ACAD11: variants seen among roughly 807,000 people sequenced by gnomAD.
ACAD11 encodes the protein acyl-CoA dehydrogenase family member 11, also known as acyl-Coenzyme A dehydrogenase family, member 11.
ACAD11 carries 83 observed loss-of-function variants against 102.2 expected under a neutral mutation model. The ratio of observed to expected loss-of-function variants is 0.81; its 90% confidence interval spans 0.68 to 0.97. ACAD11 has a LOEUF of 0.97. Among genes scored for constraint, ACAD11 ranks in the 50% least tolerant of loss-of-function variants. The pLI is 0.00. For synonymous variants in ACAD11, 324 were observed against 319.8 expected, an observed-to-expected ratio of 1.01 and a Z score of -0.14; for missense variants, 901 against 951.7, an observed-to-expected ratio of 0.95 and a Z score of 0.70.
intron 11 of ACAD11, among the ~76,000 whole-genome samples, chr3:132,610,709 T>A (rs1939095954): frequency 6.6e-6 from 1 of 152,026 alleles, no homozygotes; most frequent in African/African-American, 2.4e-5. Flanking sequence ...AATAACAGGC[T>A]CTGAAATTGA....
At chr3:132,584,900 A>G (rs962858864) in intron 13 of ACAD11, among the ~76,000 whole-genome samples, 2 of 152,218 alleles carry the variant, frequency 1.3e-5, no homozygotes, top group Non-Finnish European at 2.9e-5. Flanking sequence ...AATCAATATT[A>G]TGAAAATGGC....
rs567165518 is a variant in ACAD11 at position 132,577,051 on chromosome 3, G to A, written c.1775-36C>T. 881 of 1,302,652 alleles carry A rather than the reference G, an allele frequency of 6.8e-4. 27 individuals carry two copies. In the South Asian group the frequency reaches 0.01, roughly 15 times the overall value. 80.7% of individuals were successfully genotyped at this position (1,302,652 alleles called of 1,614,324 possible). On this transcript the variant is annotated intron_variant, in intron 15 of 19. Transcript: ENST00000264990. ...GAAAATAAAATTTAGAGCAAAAGGA[G>A]TTGACTAAAAAAGAGTCACATATTC...
At position 132,589,717 on chromosome 3, in the gene ACAD11, A is replaced by T. The variant is rs1937994676; in HGVS notation, c.1622-10159T>A. On this transcript the variant is annotated intron_variant, in intron 13 of 19. Transcript: ENST00000264990. The stretch of plus-strand genomic sequence containing the variant: ...TAGAAATATTTTCTTTAAAAAAAGC[A>T]AACTTTTATTTTAGGTTTGGGGGGT... 3.3e-5 allele frequency among the ~76,000 whole-genome samples: 5 copies of T among 152,160 alleles called. No individual in the cohort carries two copies. In the South Asian group the frequency reaches 1.0e-3, roughly 32 times the overall value.
At chr3:132,625,066 G>T (rs1224085012) in intron 9 of ACAD11, among the ~76,000 whole-genome samples, 2 of 152,146 alleles carry the variant, frequency 1.3e-5, no homozygotes, top group African/African-American at 2.4e-5. Context: ...GAGACCAACC[G>T]AAGCAGTCGT....
chr3:132,650,619 T>C (rs2107899430), intron 1 of ACAD11, among the ~76,000 whole-genome samples: 1 of 152,234 alleles, frequency 6.6e-6, no homozygotes, highest in South Asian at 2.1e-4. Flanking sequence ...AGGTAGAAAG[T>C]ACAATTCATG....
Position 132,642,748 on chromosome 3 carries a change from GA to G in ACAD11, c.303del (p.Lys103SerfsTer18), listed in dbSNP as rs777134154. On this transcript the variant is annotated frameshift_variant, in exon 3 of 20. Transcript: ENST00000264990. LOFTEE classifies it high-confidence loss of function. ...TCACTGCAGTACAGTATAGGCTTGG[GA>G]ACGGGGAATCCAATTGAAAACAAGG... Reference protein sequence around the residue: ...QKALFSIGFPVPKPILYCSDT... With the variant: ...QKALFSIGFPXPKPILYCSDT... 13 of 1,613,390 alleles carry G rather than the reference GA, an allele frequency of 8.1e-6. No individual in the cohort carries two copies. The South Asian group carries it at 1.4e-4, about 18-fold the overall frequency.
chr3:132,561,936 G>A (rs1371913280), intron 17 of ACAD11, among the ~76,000 whole-genome samples: 1 of 152,082 alleles, frequency 6.6e-6, no homozygotes, highest in Admixed American at 6.5e-5. Flanking sequence ...GTATTGTTTT[G>A]AGACCAACTT....
rs545805873 is a variant in ACAD11, at chr3:132,562,984, T to C, written c.2002-1767A>G. Among the ~76,000 whole-genome samples the C allele has an allele frequency of 3.9e-5, 6 of 152,340 alleles. 1 individual carries two copies. In the South Asian group the frequency reaches 8.3e-4, roughly 21 times the overall value. ...TTTACATTTAGATCTATGATCCATT[T>C]AGAGTTAAAATTTTGTGTGAGGTGT... is the stretch of plus-strand genomic sequence containing the variant. On this transcript the variant is annotated intron_variant, in intron 17 of 19. Transcript: ENST00000264990.
intron 17 of ACAD11, among the ~76,000 whole-genome samples, chr3:132,575,058 G>A (rs1937498945): frequency 1.3e-5 from 2 of 151,980 alleles, no homozygotes. Context: ...TGTTGCCCAG[G>A]CTGGTCTTGA....
chr3:132,618,849 T>C (rs1576595456), intron 10 of ACAD11, 77 bp from the exon 11 acceptor site: 2 of 1,326,428 alleles, frequency 1.5e-6, no homozygotes, highest in East Asian at 5.5e-5. Flanking sequence ...TTTTAAATAT[T>C]GGTATTTATG....
rs1460367668 is a variant in ACAD11, at chr3:132,631,393, A to G, written c.789T>C (p.Phe263=). The G allele has an allele frequency of 6.4e-7, 1 of 1,565,706 alleles. No individual in the cohort carries two copies. The highest frequency in any genetic ancestry group is 1.8e-5 in the Admixed American group (1 of 55,812). ...SDLAHFSLFY[F]WPRTVPMINQ... ...TTATCATTGGAACTGTCCTTGGCCA[A>G]AAGTAGAACAGGGAAAAATGAGCTA... The change falls in exon 6 of 20, where the codon TTT becomes TTC. Residue 263 remains phenylalanine, a synonymous_variant. Transcript: ENST00000264990.
chr3:132,589,035 T>C lies in ACAD11; in HGVS notation c.1622-9477A>G, dbSNP rs140688143. 1.5e-4 allele frequency among the ~76,000 whole-genome samples: 23 copies of C among 152,282 alleles called. No individual in the cohort carries two copies. The East Asian group carries it at 4.4e-3, about 29-fold the overall frequency. On this transcript the variant is annotated intron_variant, in intron 13 of 19. Transcript: ENST00000264990. Reference sequence around the variant, plus strand: ...GATTAAGTGATTAAAATGCAATTAGTGTATTTATCAAAGAGGCCTGAGAGA... The same window carrying C: ...GATTAAGTGATTAAAATGCAATTAGCGTATTTATCAAAGAGGCCTGAGAGA...
intron 13 of ACAD11, among the ~76,000 whole-genome samples, chr3:132,586,470 A>T (rs1405725298): frequency 6.6e-6 from 1 of 152,148 alleles, no homozygotes; most frequent in Non-Finnish European, 1.5e-5. Context: ...GTGCACATGT[A>T]CCCTAAAACT....
At chr3:132,643,939 T>C (rs1940619924) in intron 2 of ACAD11, among the ~76,000 whole-genome samples, 1 of 151,978 alleles carries the variant, frequency 6.6e-6, no homozygotes, top group Non-Finnish European at 1.5e-5. Flanking sequence ...AAGAGACAAA[T>C]AAAACTGTTT....
intron 16 of ACAD11, 25 bp from the exon 17 acceptor site, chr3:132,575,951 G>A (rs1483936568): frequency 1.2e-6 from 2 of 1,612,232 alleles, no homozygotes; most frequent in African/African-American, 2.7e-5. Context: ...GAAAAAAAGG[G>A]GGAATGTGAA....
chr3:132,564,743 A>G (rs971455274), intron 17 of ACAD11, among the ~76,000 whole-genome samples: 2 of 152,178 alleles, frequency 1.3e-5, no homozygotes, highest in African/African-American at 4.8e-5. Flanking sequence ...ACAAGGATGG[A>G]ATCGATATAT....
At chr3:132,571,231 A>G (rs2107787115) in intron 17 of ACAD11, among the ~76,000 whole-genome samples, 1 of 147,738 alleles carries the variant, frequency 6.8e-6, no homozygotes, top group African/African-American at 2.5e-5. Context: ...CTTTTTTTTT[A>G]TTTGTATTTC....
chr3:132,618,679 C>G lies in ACAD11; in HGVS notation c.1369G>C (p.Gly457Arg). The G allele has an allele frequency of 6.2e-7, 1 of 1,607,584 alleles. No individual in the cohort carries two copies. The highest frequency in any genetic ancestry group is 8.5e-7 in the Non-Finnish European group (1 of 1,177,488). The change falls in exon 11 of 20, where the codon GGA (glycine) becomes CGA (arginine). Residue 457 changes from glycine (G) to arginine (R), a missense_variant. Coordinates refer to ENST00000264990, the MANE Select transcript of ACAD11 (RefSeq NM_032169.5). ...VDYALIAEET[G>R]KCFFAPDVFN... is the part of the protein sequence containing the mutation. ...ACATCTGGAGCAAAAAAGCATTTTCCTGTTTCTTCAGCAATCAAGGCATAG... is the reference window on the plus strand; with the variant it reads ...ACATCTGGAGCAAAAAAGCATTTTCGTGTTTCTTCAGCAATCAAGGCATAG...
intron 7 of ACAD11, among the ~76,000 whole-genome samples, chr3:132,629,874 G>T (rs755211786): frequency 5.3e-5 from 8 of 150,890 alleles, no homozygotes; most frequent in Non-Finnish European, 1.0e-4. Flanking sequence ...CATTTGTTTA[G>T]ATTACAATGT....
Sources: gnomAD v4.1 joint callset for allele counts (sites outside exome capture counted in the v4.1 genomes callset) on GRCh38, gnomAD v4.1.1 for gene constraint, MANE v1.5 for transcripts, NCBI Gene and HGNC (gene_info 2026-07-23, HGNC 2026-07-21) for gene names.